UGGT1: variants seen among roughly 807,000 people sequenced by gnomAD.
UGGT1 encodes UDP-glucose:glycoprotein glucosyltransferase 1.
A neutral mutation model predicts 203.9 loss-of-function variants in UGGT1; 107 were observed. The ratio of observed to expected loss-of-function variants is 0.52; its 90% CI spans 0.45 to 0.62. The LOEUF (loss-of-function observed/expected upper bound fraction) is 0.62. Ranked by LOEUF, UGGT1 falls within the 20% of genes least tolerant of loss-of-function variation. UGGT1 has a pLI of 0.00. For synonymous variants in UGGT1, 628 were observed against 653.5 expected, an observed-to-expected ratio of 0.96 and a Z score of 0.59; for missense variants, 1,673 against 1,867.2, an observed-to-expected ratio of 0.90 and a Z score of 1.92.
chr2:128,171,761 C>T (rs1437850403), intron 28 of UGGT1, among the ~76,000 whole-genome samples: 1 of 152,146 alleles, frequency 6.6e-6, no homozygotes, highest in Non-Finnish European at 1.5e-5. Flanking sequence ...GTCTGCCTCA[C>T]TTCCCAAAGT....
chr2:128,119,579 A>C (rs1326198076), intron 8 of UGGT1, among the ~76,000 whole-genome samples: 2 of 152,220 alleles, frequency 1.3e-5, no homozygotes, highest in Admixed American at 6.5e-5. Context: ...TAAAGATAAA[A>C]CCCAGTAACT....
At chr2:128,140,965 C>T (rs189815352) in intron 16 of UGGT1, among the ~76,000 whole-genome samples, 12 of 150,266 alleles carry the variant, frequency 8.0e-5, no homozygotes, top group Admixed American at 2.7e-4. Context: ...TGGGATTTTA[C>T]GTGTGAGCCA....
At chr2:128,140,783 C>T (rs1689382578) in intron 16 of UGGT1, among the ~76,000 whole-genome samples, 1 of 152,090 alleles carries the variant, frequency 6.6e-6, no homozygotes, top group Non-Finnish European at 1.5e-5. Flanking sequence ...CCTAAGTGAT[C>T]CTCCTGCCTC....
intron 26 of UGGT1, among the ~76,000 whole-genome samples, chr2:128,165,771 TAAA>T (rs781757027): frequency 7.0e-4 from 103 of 147,010 alleles, no homozygotes; most frequent in African/African-American, 2.5e-3. Context: ...AAACTTTTTT[TAAA>T]AAAAAAAAAC....
Position 128,152,959 on chromosome 2 carries a change from C to G in UGGT1, c.2137+55C>G, listed in dbSNP as rs544107144. ...CTTTTTTTGACTTGTGCTTCAGAATCTTTACATTTTTCAGATTTTAATATT... is the reference window on the plus strand; with the variant it reads ...CTTTTTTTGACTTGTGCTTCAGAATGTTTACATTTTTCAGATTTTAATATT... On this transcript the variant is annotated intron_variant, in intron 19 of 40. Transcript: ENST00000259253. 5.6e-5 allele frequency: 89 copies of G among 1,599,866 alleles called. No individual in the cohort carries two copies. In the African/African-American group the frequency reaches 9.3e-4, roughly 17 times the overall value.
chr2:128,143,494 A>G (rs540992411), intron 17 of UGGT1, among the ~76,000 whole-genome samples: 1 of 152,348 alleles, frequency 6.6e-6, no homozygotes, highest in South Asian at 2.1e-4. Flanking sequence ...AGAAAGTACC[A>G]GTAGCTTTTT....
At chr2:128,117,887 T>C (rs749041113) in intron 8 of UGGT1, among the ~76,000 whole-genome samples, 9 of 152,002 alleles carry the variant, frequency 5.9e-5, no homozygotes, top group Non-Finnish European at 8.8e-5. Flanking sequence ...AAGTTGAAGT[T>C]ATTTCCCTCA....
At chr2:128,155,649 A>T in intron 20 of UGGT1, 62 bp downstream of exon 20, 1 of 1,295,204 alleles carries the variant, frequency 7.7e-7, no homozygotes, top group East Asian at 2.3e-5. Context: ...TTGCATATTC[A>T]TCTTAATGTG....
chr2:128,160,905 T>G (rs1690494973), intron 24 of UGGT1, among the ~76,000 whole-genome samples: 1 of 152,386 alleles, frequency 6.6e-6, no homozygotes, highest in East Asian at 1.9e-4. Context: ...AAAACTACTT[T>G]ACGATTTTAT....
intron 2 of UGGT1, among the ~76,000 whole-genome samples, chr2:128,100,723 C>T (rs115990682): frequency 0.019 from 2,848 of 152,132 alleles, 61 homozygotes; most frequent in East Asian, 0.051. Flanking sequence ...CGCCAGGCCT[C>T]TGTTTAACAT....
rs752131392 is a variant in UGGT1, at chr2:128,159,666, G to C, written c.2508G>C (p.Glu836Asp). ...ACTTCATCACCAAAATGGCCAAGGA[G>C]GGGGCTGCAGAGGCCCTGGCTGCAG... ...AKNFITKMAK[E>D]GAAEALAAGA... The change falls in exon 23 of 41, where the codon GAG becomes GAC. Residue 836 changes from glutamate (E) to aspartate (D), a missense_variant. This residue lies in a region of UGGT1 where 1,073 missense variants were observed against 1,078.7 expected (regional missense o/e 0.99). Transcript: ENST00000259253. 5 of 1,614,136 alleles carry C rather than the reference G, an allele frequency of 3.1e-6. No individual in the cohort carries two copies. Among genetic ancestry groups the C allele is most frequent in the Non-Finnish European group, 3.4e-6 (4 of 1,180,018 alleles).
chr2:128,091,796 A>T (rs1346532328), intron 1 of UGGT1, among the ~76,000 whole-genome samples: 1 of 152,236 alleles, frequency 6.6e-6, no homozygotes, highest in African/African-American at 2.4e-5. Context: ...TTTTTAAAAT[A>T]GATTTCAATT....
intron 2 of UGGT1, among the ~76,000 whole-genome samples, chr2:128,100,476 G>A (rs367604304): frequency 2.6e-5 from 4 of 151,934 alleles, no homozygotes; most frequent in African/African-American, 9.7e-5. Context: ...GCGTGATCTC[G>A]GCTCACCGCA....
chr2:128,175,728 A>G (rs187019106), intron 31 of UGGT1, among the ~76,000 whole-genome samples: 55 of 152,278 alleles, frequency 3.6e-4, no homozygotes, highest in African/African-American at 1.2e-3. Flanking sequence ...TCCCTTTTGG[A>G]TGCCCTGGCC....
At chr2:128,110,889 C>T (rs898719014) in intron 5 of UGGT1, among the ~76,000 whole-genome samples, 1 of 152,128 alleles carries the variant, frequency 6.6e-6, no homozygotes, top group Non-Finnish European at 1.5e-5. Flanking sequence ...CCTCCTGTTA[C>T]AATAAGGCTA....
chr2:128,091,300 G>C lies in UGGT1; in HGVS notation c.-58G>C. 6.7e-7 allele frequency: 1 copy of C among 1,482,428 alleles called. No individual in the cohort carries two copies. Among genetic ancestry groups the C allele is most frequent in the South Asian group, 1.3e-5 (1 of 78,948 alleles). The allele number at this position is 1,482,428 out of a possible 1,614,324, so 91.8% of individuals were successfully genotyped here. On this transcript the variant is annotated 5_prime_UTR_variant, in exon 1 of 41. Coordinates refer to ENST00000259253, the MANE Select transcript of UGGT1 (RefSeq NM_020120.4). Reference sequence around the variant, plus strand: ...CAGCCTGCACTGCCGCTGCCGCCTCGCCCCGCCCTGCCCTGGCGTTGTCTC... The same window carrying C: ...CAGCCTGCACTGCCGCTGCCGCCTCCCCCCGCCCTGCCCTGGCGTTGTCTC...
chr2:128,160,902 C>CT (rs533260525), intron 24 of UGGT1, among the ~76,000 whole-genome samples: 124 of 152,298 alleles, frequency 8.1e-4, no homozygotes, highest in African/African-American at 2.9e-3. Context: ...ATGAAAACTA[C>CT]TTTACGATTT....
In UGGT1 at chr2:128,147,812, A is replaced by G. The variant is rs140098575; in HGVS notation, c.2016+1845A>G. ...CTTTTTGTGGAGATGAGATCTTTCT[A>G]TGTTGCCCAGGCAGGTCTCAGGTCG... On this transcript the variant is annotated intron_variant, in intron 18 of 40. Transcript: ENST00000259253. 4.4e-3 allele frequency among the ~76,000 whole-genome samples: 672 copies of G among 152,066 alleles called. 4 individuals carry two copies. The highest frequency in any genetic ancestry group is 0.012 in the African/African-American group (502 of 41,462).
At chr2:128,149,569 T>G (rs1689850009) in intron 18 of UGGT1, among the ~76,000 whole-genome samples, 1 of 150,652 alleles carries the variant, frequency 6.6e-6, no homozygotes, top group Non-Finnish European at 1.5e-5. Flanking sequence ...ATCAAGATCA[T>G]TCTGGCTAAC....
Sources: gnomAD v4.1 joint callset for allele counts (sites outside exome capture counted in the v4.1 genomes callset) on GRCh38, gnomAD v4.1.1 for gene constraint, gnomAD v4.1.1 regional missense constraint, MANE v1.5 for transcripts, NCBI Gene and HGNC (gene_info 2026-07-23, HGNC 2026-07-21) for gene names.